Variants in CHM observed in about 807,000 individuals in gnomAD.
CHM encodes the protein rab proteins geranylgeranyltransferase component A 1.
A neutral mutation model predicts 49.0 loss-of-function variants in CHM; 10 were observed. The observed-to-expected ratio is 0.20, with a 90% confidence interval of 0.13 to 0.35. CHM has a LOEUF of 0.35. Ranked by LOEUF, CHM falls within the 10% of genes least tolerant of loss-of-function variation. CHM has a pLI of 1.00. For missense variants in CHM, 455 were observed against 478.4 expected (o/e 0.95, Z 0.46); for synonymous variants, 184 against 167.5 (o/e 1.10, Z -0.76).
chrX:85,944,078 C>T (rs1299002442), intron 8 of CHM, among the ~76,000 whole-genome samples: 5 of 111,997 alleles, frequency 4.5e-5, no homozygotes, highest in Non-Finnish European at 9.4e-5. Context: ...GTTGCTCTGA[C>T]TTCACATGCA....
At chrX:85,970,771 T>C (rs1057011819) in intron 4 of CHM, 2 of 192,978 alleles carry the variant, frequency 1.0e-5, no homozygotes, top group East Asian at 5.0e-4. Context: ...TGAAAAACAA[T>C]CTTTGTGTAG....
chrX:85,969,609 G>T (rs984751083), intron 4 of CHM: 5 of 125,182 alleles, frequency 4.0e-5, no homozygotes, highest in African/African-American at 1.6e-4. Context: ...TCACTACTGG[G>T]TATATAGCCA....
At chrX:86,037,360 A>C (rs1038624243) in intron 1 of CHM, among the ~76,000 whole-genome samples, 1 of 110,403 alleles carries the variant, frequency 9.1e-6, no homozygotes, top group Non-Finnish European at 1.9e-5. Context: ...CAGGTGATCC[A>C]CTTGCCTAGG....
chrX:85,933,933 A>C (rs1433621637), intron 8 of CHM, among the ~76,000 whole-genome samples: 1 of 111,855 alleles, frequency 8.9e-6, no homozygotes, highest in Non-Finnish European at 1.9e-5. Context: ...CACTCAGTAC[A>C]TGAATTCAAG....
At chrX:85,958,000 T>C in intron 6 of CHM, 25 bp from the exon 7 acceptor site, 1 of 1,204,477 alleles carries the variant, frequency 8.3e-7, no homozygotes, top group Non-Finnish European at 1.1e-6. Flanking sequence ...GATTTTAAGT[T>C]AAGAAACTGC....
At chrX:85,890,063 G>C (rs1378938925) in intron 12 of CHM, among the ~76,000 whole-genome samples, 1 of 111,019 alleles carries the variant, frequency 9.0e-6, no homozygotes, top group Non-Finnish European at 1.9e-5. Flanking sequence ...AGGAAGGGAG[G>C]AAATGGCTGA....
At chrX:85,946,201 G>T (rs772228728) in intron 8 of CHM, among the ~76,000 whole-genome samples, 7 of 112,606 alleles carry the variant, frequency 6.2e-5, no homozygotes, top group Middle Eastern at 4.6e-3. Context: ...TGGTAGAAAA[G>T]AAAAGCCCAT....
intron 13 of CHM, among the ~76,000 whole-genome samples, chrX:85,877,707 TA>T (rs1176544359): frequency 9.2e-6 from 1 of 108,997 alleles, no homozygotes; most frequent in Non-Finnish European, 1.9e-5. Context: ...ATGTACCCAA[TA>T]AATATATACG....
intron 3 of CHM, among the ~76,000 whole-genome samples, 175 bp from the exon 4 acceptor site, chrX:85,979,066 A>G (rs1931450157): frequency 8.9e-6 from 1 of 112,152 alleles, no homozygotes. Context: ...CTTCAAAGGA[A>G]GGGGAGAAAA....
intron 1 of CHM, among the ~76,000 whole-genome samples, chrX:86,039,499 C>G: frequency 1.0e-5 from 1 of 97,318 alleles, no homozygotes; most frequent in South Asian, 5.1e-4. Context: ...AATGAGAACA[C>G]TGGCCTAGAC....
Position 85,864,289 on chromosome X carries a change from C to A in CHM, c.*341G>T. On this transcript the variant is annotated 3_prime_UTR_variant, in exon 15 of 15. Coordinates refer to ENST00000357749, the MANE Select transcript of CHM (RefSeq NM_000390.4). ...AAAATGTGGCTTTCAAACAAAGATC[C>A]AAAGTGGTAAGCAAAATTGTCCTAA... 1.1e-5 allele frequency: 2 copies of A among 187,437 alleles called. No individual in the cohort carries two copies. The highest frequency in any genetic ancestry group is 9.9e-6 in the Non-Finnish European group (1 of 100,913). 15.4% of individuals were successfully genotyped at this position (187,437 alleles called of 1,213,427 possible).
intron 4 of CHM, among the ~76,000 whole-genome samples, chrX:85,972,689 C>T (rs765495547): frequency 1.8e-5 from 2 of 112,775 alleles, no homozygotes; most frequent in South Asian, 7.3e-4. Flanking sequence ...CCCGGAACTC[C>T]AGCTGGCCCG....
In CHM at chrX:85,862,231, T is replaced by C. The variant is rs913391676; in HGVS notation, c.*2399A>G. The C allele has an allele frequency of 8.9e-6, 1 of 112,157 alleles. No homozygotes were observed. The highest frequency in any genetic ancestry group is 9.5e-5 in the Admixed American group (1 of 10,504). The allele number at this position is 112,157 out of a possible 1,213,427, so 9.2% of individuals were successfully genotyped here. ...TCTCCTCCATTGTTCTACATATAGG[T>C]GGCTGCAGTAAGGCCAATAGAATTT... On this transcript the variant is annotated 3_prime_UTR_variant, in exon 15 of 15. Transcript: ENST00000357749.
At chrX:85,909,620 C>G (rs1926811328) in intron 9 of CHM, among the ~76,000 whole-genome samples, 1 of 111,532 alleles carries the variant, frequency 9.0e-6, no homozygotes, top group South Asian at 3.7e-4. Context: ...GGAATCTGTA[C>G]CAGATCATAA....
At chrX:85,941,922 T>C (rs1929132425) in intron 8 of CHM, among the ~76,000 whole-genome samples, 1 of 111,432 alleles carries the variant, frequency 9.0e-6, no homozygotes, top group Non-Finnish European at 1.9e-5. Flanking sequence ...CTAACACTTA[T>C]CTAGTACTTG....
intron 2 of CHM, among the ~76,000 whole-genome samples, chrX:86,010,667 C>T (rs1189876928): frequency 3.6e-5 from 4 of 111,518 alleles, no homozygotes; most frequent in Admixed American, 9.5e-5. Context: ...TGCCAGAATA[C>T]GACTACAGTT....
At chrX:85,995,886 G>C (rs1270633361) in intron 2 of CHM, among the ~76,000 whole-genome samples, 1 of 111,302 alleles carries the variant, frequency 9.0e-6, no homozygotes, top group African/African-American at 3.3e-5. Flanking sequence ...GGGGAAAAAG[G>C]AAAGGAGAAA....
rs776071616 is a variant in CHM at position 86,023,506 on chromosome X, C to T, written c.116+3985G>A. Among the ~76,000 whole-genome samples the T allele has an allele frequency of 9.6e-4, 107 of 111,141 alleles. 1 individual carries two copies. Among genetic ancestry groups the T allele is most frequent in the African/African-American group, 3.3e-3 (100 of 30,642 alleles). The stretch of plus-strand genomic sequence containing the variant: ...AAGCCCTCTCACTGAGTTAGTTGTC[C>T]CCCTATAGCACCTTATATATACCTC... On this transcript the variant is annotated intron_variant, in intron 2 of 14. Coordinates refer to ENST00000357749, the MANE Select transcript of CHM (RefSeq NM_000390.4).
intron 9 of CHM, among the ~76,000 whole-genome samples, chrX:85,906,977 C>T (rs1263698014): frequency 1.8e-5 from 2 of 110,636 alleles, no homozygotes; most frequent in Non-Finnish European, 3.8e-5. Flanking sequence ...ACTAAAAATA[C>T]AAAAATTAGC....
Sources: allele counts gnomAD v4.1 joint callset (sites outside exome capture counted in the v4.1 genomes callset), GRCh38; gene constraint gnomAD v4.1.1; transcripts MANE v1.5; gene names NCBI Gene and HGNC (gene_info 2026-07-23, HGNC 2026-07-21).